CYRIA: variants seen among roughly 807,000 people sequenced by gnomAD.
CYRIA encodes CYFIP related Rac1 interactor A, also known as CYFIP-related Rac1 interactor A.
A neutral mutation model predicts 43.9 loss-of-function variants in CYRIA; 15 were observed. The observed-to-expected ratio is 0.34, with a 90% CI of 0.23 to 0.53. The LOEUF (loss-of-function observed/expected upper bound fraction) is 0.53, where lower values mean the gene tolerates loss of function less well. CYRIA is among the 20% of genes least tolerant of loss of function. CYRIA has a pLI of 0.94. For missense variants in CYRIA, 236 were observed against 394.2 expected, an observed-to-expected ratio of 0.60 and a Z score of 3.40; for synonymous variants, 117 against 136.0, an observed-to-expected ratio of 0.86 and a Z score of 0.97.
intron 2 of CYRIA, among the ~76,000 whole-genome samples, chr2:16,598,783 G>C (rs1178732371): frequency 8.6e-6 from 1 of 116,088 alleles, no homozygotes; most frequent in Non-Finnish European, 1.7e-5. Flanking sequence ...GAGGAACTGC[G>C]TTCCTTTGGA....
intron 2 of CYRIA, among the ~76,000 whole-genome samples, chr2:16,603,238 C>A (rs2103479982): frequency 6.6e-6 from 1 of 152,302 alleles, no homozygotes; most frequent in East Asian, 1.9e-4. Flanking sequence ...TGCCTCAGGG[C>A]CCTTGCACAT....
intron 3 of CYRIA, among the ~76,000 whole-genome samples, chr2:16,582,682 C>CG (rs1558412763): frequency 6.6e-6 from 1 of 152,120 alleles, no homozygotes; most frequent in African/African-American, 2.4e-5. Flanking sequence ...TGTCATATCA[C>CG]CTATCAGTAC....
In CYRIA at chr2:16,553,438, A is replaced by G. The variant is rs149209889; in HGVS notation, c.909-439T>C. Among the ~76,000 whole-genome samples, 16 of 152,240 alleles carry G rather than the reference A, an allele frequency of 1.1e-4. 1 individual carries two copies. Among genetic ancestry groups the G allele is most frequent in the African/African-American group, 3.9e-4 (16 of 41,554 alleles). Reference sequence around the variant, plus strand: ...CTCATTGCCACCACAAGGGGGCACAAATGCTGGTAAGCAAACCCACAAAAA... The same window carrying G: ...CTCATTGCCACCACAAGGGGGCACAGATGCTGGTAAGCAAACCCACAAAAA... On this transcript the variant is annotated intron_variant, in intron 11 of 11. Transcript: ENST00000381323.
At chr2:16,563,918 T>C (rs1666836599) in intron 5 of CYRIA, 71 bp downstream of exon 5, 2 of 1,131,960 alleles carry the variant, frequency 1.8e-6, no homozygotes, top group African/African-American at 3.1e-5. Context: ...GCCACGCTGT[T>C]CCCACTACCT....
chr2:16,592,907 T>G (rs1055672107), intron 2 of CYRIA, among the ~76,000 whole-genome samples: 1 of 152,146 alleles, frequency 6.6e-6, no homozygotes, highest in African/African-American at 2.4e-5. Flanking sequence ...AATACATGAA[T>G]AGGATCATAG....
chr2:16,606,840 T>C (rs1668416183), intron 2 of CYRIA, among the ~76,000 whole-genome samples: 1 of 152,168 alleles, frequency 6.6e-6, no homozygotes, highest in Non-Finnish European at 1.5e-5. Context: ...GGAGCTCATC[T>C]GGGTACCAAA....
intron 1 of CYRIA, 62 bp downstream of exon 1, chr2:16,665,718 A>C (rs1207722092): frequency 1.4e-5 from 2 of 145,974 alleles, no homozygotes; most frequent in African/African-American, 2.5e-5. Flanking sequence ...GTGCAGGCCG[A>C]GCCCCGCGCC....
At chr2:16,590,380 A>G (rs1175412981) in intron 2 of CYRIA, among the ~76,000 whole-genome samples, 1 of 152,160 alleles carries the variant, frequency 6.6e-6, no homozygotes, top group Non-Finnish European at 1.5e-5. Flanking sequence ...TTGTAGGAAG[A>G]TGATTTTACT....
intron 10 of CYRIA, among the ~76,000 whole-genome samples, chr2:16,557,335 A>T (rs1666558832): frequency 6.6e-6 from 1 of 151,970 alleles, no homozygotes; most frequent in Non-Finnish European, 1.5e-5. Context: ...CCCTCCCCCT[A>T]GGTTTCCAGA....
Position 16,572,268 on chromosome 2 carries a change from G to A in CYRIA, c.71-6501C>T, listed in dbSNP as rs148691603. ...AGCCTGTCTCCTCCCTACCTGCAGG[G>A]TCATAATGAAGATGATGGAATAGAT... On this transcript the variant is annotated intron_variant, in intron 3 of 11. Coordinates refer to ENST00000381323, the MANE Select transcript of CYRIA (RefSeq NM_030797.4). 1.1e-3 allele frequency among the ~76,000 whole-genome samples: 165 copies of A among 152,224 alleles called. 1 individual carries two copies. The highest frequency in any genetic ancestry group is 3.6e-3 in the African/African-American group (149 of 41,520).
intron 10 of CYRIA, among the ~76,000 whole-genome samples, chr2:16,555,949 C>T (rs1050859501): frequency 6.6e-6 from 1 of 152,060 alleles, no homozygotes; most frequent in Non-Finnish European, 1.5e-5. Flanking sequence ...AGTGTCTTAG[C>T]TTTTTGTGTC....
chr2:16,585,855 C>T (rs990748633), intron 3 of CYRIA, among the ~76,000 whole-genome samples: 8 of 152,146 alleles, frequency 5.3e-5, no homozygotes, highest in African/African-American at 1.9e-4. Flanking sequence ...AACATAGACT[C>T]AGAAATCTGA....
intron 2 of CYRIA, among the ~76,000 whole-genome samples, chr2:16,592,172 G>A (rs962609800): frequency 6.6e-6 from 1 of 152,078 alleles, no homozygotes; most frequent in Non-Finnish European, 1.5e-5. Flanking sequence ...CTGGACTCCA[G>A]ATTTTTGTAT....
At chr2:16,560,711 G>C (rs1666694232) in intron 9 of CYRIA, 2 of 466,810 alleles carry the variant, frequency 4.3e-6, no homozygotes, top group Non-Finnish European at 7.8e-6. Context: ...GGTTCTTACA[G>C]ATCTTCTACA....
intron 10 of CYRIA, among the ~76,000 whole-genome samples, chr2:16,557,663 C>CAA (rs1307110929): frequency 1.3e-5 from 2 of 152,266 alleles, no homozygotes; most frequent in East Asian, 3.9e-4. Context: ...CCTCCACGGA[C>CAA]AAAAGCAAAC....
chr2:16,606,101 C>T (rs1475269783), intron 2 of CYRIA, among the ~76,000 whole-genome samples: 1 of 152,124 alleles, frequency 6.6e-6, no homozygotes, highest in Non-Finnish European at 1.5e-5. Context: ...GACTTCTGTC[C>T]CCAGCTCCAG....
intron 3 of CYRIA, among the ~76,000 whole-genome samples, chr2:16,585,357 G>C (rs1270653783): frequency 6.6e-6 from 1 of 152,040 alleles, no homozygotes; most frequent in Non-Finnish European, 1.5e-5. Context: ...AGTAAAACCA[G>C]GGGAGGAGGA....
At position 16,549,935 on chromosome 2, in the gene CYRIA, C is replaced by A. The variant is rs753348271; in HGVS notation, c.*3001G>T. 3 of 150,488 alleles carry A rather than the reference C, an allele frequency of 2.0e-5. No homozygotes were observed. The highest frequency in any genetic ancestry group is 4.4e-5 in the Non-Finnish European group (3 of 67,760). The allele number at this position is 150,488 out of a possible 1,614,324, so 9.3% of individuals were successfully genotyped here. A position where few individuals can be genotyped will look rare whatever the true frequency, so the allele number is the denominator to read the frequency against. The stretch of plus-strand genomic sequence containing the variant: ...AGTTAAAAGGTAATATCCAAACTTT[C>A]TTTCTGGTTGTTAATACTCCACCCC... On this transcript the variant is annotated 3_prime_UTR_variant, in exon 12 of 12. Transcript: ENST00000381323.
At chr2:16,567,805 G>A (rs1029939027) in intron 3 of CYRIA, among the ~76,000 whole-genome samples, 35 of 152,164 alleles carry the variant, frequency 2.3e-4, no homozygotes, top group African/African-American at 8.0e-4. Flanking sequence ...AGGAGGTACT[G>A]GAATGTCTGT....
Sources: gnomAD v4.1 joint callset for allele counts (sites outside exome capture counted in the v4.1 genomes callset) on GRCh38, gnomAD v4.1.1 for gene constraint, MANE v1.5 for transcripts, NCBI Gene and HGNC (gene_info 2026-07-23, HGNC 2026-07-21) for gene names.